The following RHEX variants were observed in gnomAD, a reference collection of about 807,000 sequenced individuals.
RHEX encodes regulator of hemoglobinization and erythroid cell expansion.
RHEX carries 18 observed loss-of-function variants against 20.1 expected under a neutral mutation model. The ratio of observed to expected loss-of-function variants is 0.90; its 90% CI spans 0.62 to 1.33. The LOEUF is 1.33. RHEX is among the 40% of genes most tolerant of loss of function. RHEX has a pLI of 0.00. For synonymous variants in RHEX, 87 were observed against 77.1 expected (o/e 1.13, Z -0.67); for missense variants, 192 against 214.3 (o/e 0.90, Z 0.65).
intron 1 of RHEX, among the ~76,000 whole-genome samples, chr1:206,090,771 A>G (rs911622264): frequency 2.0e-5 from 3 of 151,892 alleles, no homozygotes; most frequent in Non-Finnish European, 4.4e-5. Context: ...AATTAATATT[A>G]TATTTAGATA....
intron 1 of RHEX, among the ~76,000 whole-genome samples, chr1:206,063,625 C>A (rs1039013486): frequency 6.6e-6 from 1 of 152,280 alleles, no homozygotes; most frequent in Non-Finnish European, 1.5e-5. Flanking sequence ...AGCTCCTAAC[C>A]GTGAGTCATC....
rs550893463 is a variant in RHEX at position 206,100,796 on chromosome 1, CTT to C, written c.257-337_257-336del. ...CATTGTCCCAGCATGTTCCTCCTGA[CTT>C]TTCTTTCTGGAAGACAGCCCTTTCC... is the stretch of plus-strand genomic sequence containing the variant. On this transcript the variant is annotated intron_variant, in intron 4 of 5. Transcript: ENST00000331555. Among the ~76,000 whole-genome samples the C allele has an allele frequency of 8.2e-4, 125 of 152,316 alleles. 1 individual carries two copies. In the Middle Eastern group the frequency reaches 0.044, roughly 54 times the overall value.
chr1:206,096,781 G>GTTTTTTTTTTTTTTTTTTTTTTT (rs1212622253), intron 1 of RHEX, among the ~76,000 whole-genome samples: 7 of 132,928 alleles, frequency 5.3e-5, no homozygotes, highest in Non-Finnish European at 7.9e-5. Context: ...TTTTTTTTTG[G>GTTTTTTTTTTTTTTTTTTTTTTT]TTTTTTTTTT....
chr1:206,075,551 A>C (rs1553285149), intron 1 of RHEX, among the ~76,000 whole-genome samples: 1 of 152,176 alleles, frequency 6.6e-6, no homozygotes, highest in African/African-American at 2.4e-5. Context: ...GCAGCAGATA[A>C]ATTCATTGGT....
At chr1:206,088,653 A>C (rs1244839111) in intron 1 of RHEX, among the ~76,000 whole-genome samples, 2 of 152,364 alleles carry the variant, frequency 1.3e-5, no homozygotes, top group East Asian at 3.9e-4. Context: ...ACTGCACTCC[A>C]GCCTGGGGAC....
intron 1 of RHEX, among the ~76,000 whole-genome samples, chr1:206,059,754 A>G (rs1553283110): frequency 1.3e-5 from 2 of 152,142 alleles, no homozygotes; most frequent in Admixed American, 6.5e-5. Context: ...CTGAGAATCT[A>G]TGGACAGAAT....
intron 1 of RHEX, among the ~76,000 whole-genome samples, chr1:206,079,500 G>A (rs1490154191): frequency 2.0e-5 from 3 of 152,182 alleles, no homozygotes; most frequent in African/African-American, 7.2e-5. Flanking sequence ...CCCTGGGAAT[G>A]ACTGAATGAT....
Position 206,101,883 on chromosome 1 carries a change from G to A in RHEX, c.450G>A (p.Lys150=). 1 of 1,613,934 alleles carries A rather than the reference G, an allele frequency of 6.2e-7. No individual in the cohort carries two copies. The highest frequency in any genetic ancestry group is 8.5e-7 in the Non-Finnish European group (1 of 1,179,942). ...DYVNVNPERH[K]PSFWYFVNPA... is the part of the protein sequence containing the mutation. ...TCAATGTCAATCCAGAAAGACACAA[G>A]CCCAGTTTCTGGTATTTTGTCAACC... The change falls in exon 6 of 6, where the codon AAG becomes AAA. Residue 150 remains lysine, a synonymous_variant. Transcript: ENST00000331555.
rs1469368630 is a variant in RHEX, at chr1:206,055,485, AAAT to A, written c.-97+2226_-97+2228del. 3.3e-5 allele frequency among the ~76,000 whole-genome samples: 5 copies of A among 152,378 alleles called. No individual in the cohort carries two copies. In the East Asian group the frequency reaches 5.8e-4, roughly 18 times the overall value. On this transcript the variant is annotated intron_variant, in intron 1 of 5. Transcript: ENST00000331555. ...TCATCAACCAGAGGAAGGAAAAAAAAAATAATAAGACATCGTAAAGCGAGAGAA... is the reference window on the plus strand; with the variant it reads ...TCATCAACCAGAGGAAGGAAAAAAAAAATAAGACATCGTAAAGCGAGAGAA...
Position 206,069,313 on chromosome 1 carries a change from A to C in RHEX, c.-97+16048A>C, listed in dbSNP as rs569278085. The stretch of plus-strand genomic sequence containing the variant: ...CCACAAAAGAGAATTATCTAGCCCC[A>C]AATGTCCATAACACTGCTGTTGAGA... On this transcript the variant is annotated intron_variant, in intron 1 of 5. Coordinates refer to ENST00000331555, the MANE Select transcript of RHEX (RefSeq NM_001007544.4). Among the ~76,000 whole-genome samples, 38 of 152,322 alleles carry C rather than the reference A, an allele frequency of 2.5e-4. 1 individual carries two copies. The highest frequency in any genetic ancestry group is 9.1e-4 in the African/African-American group (38 of 41,574).
intron 1 of RHEX, among the ~76,000 whole-genome samples, chr1:206,094,172 GT>G (rs1663017151): frequency 1.1e-5 from 1 of 93,782 alleles, no homozygotes; most frequent in Non-Finnish European, 2.4e-5. Flanking sequence ...GTTATTTGGT[GT>G]GTGTGTGTGT....
At chr1:206,083,215 TTGTC>T (rs1662772163) in intron 1 of RHEX, among the ~76,000 whole-genome samples, 1 of 152,240 alleles carries the variant, frequency 6.6e-6, no homozygotes, top group African/African-American at 2.4e-5. Flanking sequence ...GAAAAACAAA[TTGTC>T]TGAGCTCATG....
intron 1 of RHEX, among the ~76,000 whole-genome samples, chr1:206,073,126 C>G (rs1662566849): frequency 6.6e-6 from 1 of 152,088 alleles, no homozygotes; most frequent in African/African-American, 2.4e-5. Context: ...GCATAAGCCA[C>G]CATGCCTGGC....
At chr1:206,075,923 G>T (rs1402355644) in intron 1 of RHEX, among the ~76,000 whole-genome samples, 4 of 152,080 alleles carry the variant, frequency 2.6e-5, no homozygotes, top group African/African-American at 7.2e-5. Flanking sequence ...TAATGCTGAT[G>T]AAACATCACT....
chr1:206,084,810 A>T (rs1008838803), intron 1 of RHEX, among the ~76,000 whole-genome samples: 1 of 152,238 alleles, frequency 6.6e-6, no homozygotes, highest in African/African-American at 2.4e-5. Context: ...GCATCAGGCC[A>T]ATCATGGGGT....
chr1:206,097,202 G>C (rs534490835), intron 1 of RHEX, among the ~76,000 whole-genome samples: 1 of 152,050 alleles, frequency 6.6e-6, no homozygotes, highest in East Asian at 1.9e-4. Flanking sequence ...GTCTTTTCTC[G>C]CTCGCTGTCT....
intron 1 of RHEX, among the ~76,000 whole-genome samples, chr1:206,065,086 A>C (rs556530145): frequency 1.2e-3 from 190 of 152,184 alleles, no homozygotes; most frequent in Non-Finnish European, 2.2e-3. Context: ...CAGCATGCTC[A>C]TTAAGAGTCA....
intron 1 of RHEX, among the ~76,000 whole-genome samples, chr1:206,075,132 A>G (rs947837202): frequency 3.3e-5 from 5 of 152,266 alleles, no homozygotes; most frequent in African/African-American, 1.2e-4. Context: ...ATGTTTATCT[A>G]TAGCACGGAA....
At chr1:206,057,383 G>T (rs562666301) in intron 1 of RHEX, among the ~76,000 whole-genome samples, 1 of 152,374 alleles carries the variant, frequency 6.6e-6, no homozygotes, top group South Asian at 2.1e-4. Context: ...GGACAGTATT[G>T]CATAGCTAGA....
Sources: allele counts gnomAD v4.1 joint callset (sites outside exome capture counted in the v4.1 genomes callset), GRCh38; gene constraint gnomAD v4.1.1; transcripts MANE v1.5; gene names NCBI Gene and HGNC (gene_info 2026-07-23, HGNC 2026-07-21).